The following DLGAP1 variants were observed in gnomAD, a reference collection of about 807,000 sequenced individuals.
DLGAP1 encodes disks large-associated protein 1.
DLGAP1 carries 11 observed loss-of-function variants against 90.8 expected under a neutral mutation model. That is an observed-to-expected ratio of 0.12 (90% CI 0.08 to 0.20). The LOEUF is 0.20. Ranked by LOEUF, DLGAP1 falls within the 10% of genes least tolerant of loss-of-function variation. The pLI is 1.00. For missense variants in DLGAP1, 1,050 were observed against 1,333.8 expected (o/e 0.79, Z 3.31); for synonymous variants, 558 against 540.7 (o/e 1.03, Z -0.44).
At chr18:3,504,582 C>T (rs1282306246) in intron 11 of DLGAP1, among the ~76,000 whole-genome samples, 2 of 151,892 alleles carry the variant, frequency 1.3e-5, no homozygotes, top group African/African-American at 2.4e-5. Flanking sequence ...GATGGGGTCT[C>T]ACATTGTTGC....
rs918728652 is a variant in DLGAP1, at chr18:3,734,596, G to A, written c.1351-5221C>T. On this transcript the variant is annotated intron_variant, in intron 6 of 12. Coordinates refer to ENST00000315677, the MANE Select transcript of DLGAP1 (RefSeq NM_004746.4). ...GTCACCAGAATAGAATGTTAGCTCA[G>A]TTTTTGCTGCTCTATGTCAAGAATG... 2.6e-5 allele frequency among the ~76,000 whole-genome samples: 4 copies of A among 152,112 alleles called. No individual in the cohort carries two copies. The South Asian group carries it at 8.3e-4, about 32-fold the overall frequency.
intron 1 of DLGAP1, among the ~76,000 whole-genome samples, chr18:4,325,009 C>A (rs181224182): frequency 6.6e-6 from 1 of 151,964 alleles, no homozygotes; most frequent in Non-Finnish European, 1.5e-5. Flanking sequence ...TTGGAAGTCC[C>A]GACAAGCACA....
chr18:3,999,245 A>C (rs11081083), intron 3 of DLGAP1, among the ~76,000 whole-genome samples: 80,996 of 151,692 alleles, frequency 0.53, 21,933 homozygotes, highest in Admixed American at 0.59. Context: ...GATAATTGGT[A>C]GCATACTATA....
intron 7 of DLGAP1, among the ~76,000 whole-genome samples, chr18:3,640,994 G>A (rs763216045): frequency 1.3e-5 from 2 of 152,102 alleles, no homozygotes; most frequent in African/African-American, 2.4e-5. Flanking sequence ...AGGAAGGCCA[G>A]GATTCAAACC....
At chr18:3,520,970 G>A (rs567988038) in intron 10 of DLGAP1, among the ~76,000 whole-genome samples, 3 of 152,192 alleles carry the variant, frequency 2.0e-5, no homozygotes, top group South Asian at 2.1e-4. Context: ...GCCCTTCCCC[G>A]ATTCTGCCTT....
chr18:4,138,153 C>T (rs981343827), intron 2 of DLGAP1, among the ~76,000 whole-genome samples: 26 of 151,946 alleles, frequency 1.7e-4, no homozygotes, highest in African/African-American at 5.6e-4. Flanking sequence ...TGTTGAATAA[C>T]GGTGGTGAAA....
intron 1 of DLGAP1, among the ~76,000 whole-genome samples, chr18:4,169,734 A>G (rs2076992600): frequency 6.6e-6 from 1 of 152,246 alleles, no homozygotes; most frequent in African/African-American, 2.4e-5. Flanking sequence ...AAATTATGCC[A>G]CACGTGCATG....
chr18:4,417,322 A>C (rs2082922373), intron 1 of DLGAP1, among the ~76,000 whole-genome samples: 1 of 152,300 alleles, frequency 6.6e-6, no homozygotes, highest in Admixed American at 6.5e-5. Context: ...TTTTCAAAAA[A>C]TGTTTTGTTA....
At chr18:4,019,810 T>C (rs968457673) in intron 2 of DLGAP1, among the ~76,000 whole-genome samples, 1 of 141,448 alleles carries the variant, frequency 7.1e-6, no homozygotes, top group Admixed American at 7.2e-5. Flanking sequence ...CGCGCGCGTG[T>C]GCGCGCACAC....
In DLGAP1 at chr18:4,454,956, G is replaced by T. The variant is rs1598450665; in HGVS notation, c.-267+50C>A. 2 of 150,414 alleles carry T rather than the reference G, an allele frequency of 1.3e-5. No homozygotes were observed. Among genetic ancestry groups the T allele is most frequent in the South Asian group, 4.0e-4 (2 of 4,974 alleles). The allele number at this position is 150,414 out of a possible 1,614,324, so 9.3% of individuals were successfully genotyped here. On this transcript the variant is annotated intron_variant, in intron 1 of 12. Transcript: ENST00000315677. The surrounding 1 kb of genome is among the most constrained non-coding windows in gnomAD (Gnocchi z 4.7). Reference sequence around the variant, plus strand: ...AGCCAGGAGCCACCCAGCGCGCCGCGACCGCCGCCGCCGCGCACGCCCCAG... The same window carrying T: ...AGCCAGGAGCCACCCAGCGCGCCGCTACCGCCGCCGCCGCGCACGCCCCAG...
chr18:4,331,908 T>A (rs2143737221), intron 1 of DLGAP1, among the ~76,000 whole-genome samples: 1 of 151,958 alleles, frequency 6.6e-6, no homozygotes, highest in Middle Eastern at 3.4e-3. Flanking sequence ...ATACAAGATG[T>A]CAGACACTAA....
intron 1 of DLGAP1, among the ~76,000 whole-genome samples, chr18:4,175,064 C>T (rs1035617368): frequency 2.0e-5 from 3 of 152,196 alleles, no homozygotes; most frequent in African/African-American, 7.2e-5. Flanking sequence ...TCCTATTCCT[C>T]CACAGCCTCA....
At chr18:4,448,110 T>C (rs1467245987) in intron 1 of DLGAP1, among the ~76,000 whole-genome samples, 1 of 152,174 alleles carries the variant, frequency 6.6e-6, no homozygotes, top group East Asian at 1.9e-4. Flanking sequence ...TCCTTCTTCC[T>C]ATGTAAGTCT....
intron 5 of DLGAP1, among the ~76,000 whole-genome samples, chr18:3,784,432 GTC>G (rs1244153957): frequency 1.3e-5 from 2 of 152,106 alleles, no homozygotes; most frequent in African/African-American, 4.8e-5. Flanking sequence ...AGCTGTTATA[GTC>G]TCTGGAATGA....
At chr18:4,348,582 C>A (rs759775899) in intron 1 of DLGAP1, among the ~76,000 whole-genome samples, 4 of 152,026 alleles carry the variant, frequency 2.6e-5, no homozygotes, top group Non-Finnish European at 5.9e-5. Flanking sequence ...TTTCCAAATA[C>A]CTTTCGCTAA....
At chr18:3,828,619 GAC>G (rs1313475011) in intron 4 of DLGAP1, among the ~76,000 whole-genome samples, 4 of 108,428 alleles carry the variant, frequency 3.7e-5, no homozygotes, top group Non-Finnish European at 6.8e-5. Context: ...CAGCCTGGGT[GAC>G]AGAGCAAGAC....
intron 1 of DLGAP1, among the ~76,000 whole-genome samples, chr18:4,389,359 C>T (rs756666995): frequency 2.4e-4 from 36 of 151,860 alleles, no homozygotes; most frequent in African/African-American, 3.4e-4. Flanking sequence ...CCAAGGGGTA[C>T]GGGTAGGGGA....
intron 1 of DLGAP1, among the ~76,000 whole-genome samples, chr18:4,417,709 A>G (rs1441157317): frequency 6.6e-6 from 1 of 152,154 alleles, no homozygotes; most frequent in Non-Finnish European, 1.5e-5. Context: ...CTGAGGGAAG[A>G]AAACAGAAAA....
chr18:3,848,127 C>CAAAAAAAAAAAAAAAAAAAAAAA (rs3862177), intron 4 of DLGAP1, among the ~76,000 whole-genome samples: 3 of 32,078 alleles, frequency 9.4e-5, no homozygotes, highest in African/African-American at 3.4e-4. Flanking sequence ...GGCCCCGTCT[C>CAAAAAAAAAAAAAAAAAAAAAAA]AAAAAAAAAA....
Sources: gnomAD v4.1 joint callset for allele counts (sites outside exome capture counted in the v4.1 genomes callset) on GRCh38, gnomAD v4.1.1 for gene constraint, Gnocchi (gnomAD v3.1) non-coding constraint, MANE v1.5 for transcripts, NCBI Gene and HGNC (gene_info 2026-07-23, HGNC 2026-07-21) for gene names.